Variants in KIF20B observed in about 807,000 individuals in gnomAD.
The protein encoded by KIF20B is kinesin-like protein KIF20B.
In KIF20B, 188 loss-of-function variants were observed where a neutral mutation model predicts 232.5. The ratio of observed to expected loss-of-function variants is 0.81; its 90% CI spans 0.72 to 0.91. The LOEUF is 0.91. Among genes scored for constraint, KIF20B ranks in the 40% least tolerant of loss-of-function variants. The pLI, the probability that KIF20B is intolerant of heterozygous loss-of-function variation, is 0.00. For synonymous variants in KIF20B, 712 were observed against 683.0 expected (o/e 1.04, Z -0.66); for missense variants, 2,154 against 2,055.9 (o/e 1.05, Z -0.92).
At chr10:89,702,755 C>CTT (rs11287823) in intron 1 of KIF20B, among the ~76,000 whole-genome samples, 1 of 141,754 alleles carries the variant, frequency 7.1e-6, no homozygotes, top group Non-Finnish European at 1.6e-5. Context: ...CTAGGACCGA[C>CTT]TTTTTTTTTT....
chr10:89,719,145 T>A (rs1016113870), intron 12 of KIF20B, among the ~76,000 whole-genome samples: 4 of 152,182 alleles, frequency 2.6e-5, no homozygotes, highest in African/African-American at 4.8e-5. Context: ...TCTTGTTCAT[T>A]TGGTACTTCT....
intron 32 of KIF20B, 67 bp downstream of exon 32, chr10:89,772,898 T>A: frequency 7.3e-7 from 1 of 1,373,412 alleles, no homozygotes. Context: ...TTTACAGTGG[T>A]TTGAATTTCA....
intron 2 of KIF20B, among the ~76,000 whole-genome samples, chr10:89,707,073 C>T (rs1306996519): frequency 6.6e-6 from 1 of 152,092 alleles, no homozygotes; most frequent in Non-Finnish European, 1.5e-5. Context: ...AATGTCTTAG[C>T]AGTATTTTAT....
In KIF20B at chr10:89,727,906, T is replaced by A. The variant is rs1843224834; in HGVS notation, c.2271+10T>A. The A allele has an allele frequency of 6.5e-7, 1 of 1,547,332 alleles. No homozygotes were observed. The highest frequency in any genetic ancestry group is 1.4e-5 in the African/African-American group (1 of 73,006). On this transcript the variant is annotated intron_variant, in intron 17 of 32. Coordinates refer to ENST00000371728, the MANE Select transcript of KIF20B (RefSeq NM_001284259.2). ...TGAGACATCTAATAAGGTAATGCTT[T>A]AAGTTTTATTTTGTCTTGATAAGGT...
At chr10:89,770,437 T>C (rs1842440211) in intron 31 of KIF20B, among the ~76,000 whole-genome samples, 1 of 152,000 alleles carries the variant, frequency 6.6e-6, no homozygotes. Flanking sequence ...AGGGACATCT[T>C]TCTTTAGAGT....
chr10:89,722,030 G>T (rs1843070257), intron 13 of KIF20B, among the ~76,000 whole-genome samples: 1 of 152,030 alleles, frequency 6.6e-6, no homozygotes, highest in South Asian at 2.1e-4. Flanking sequence ...TCTTGCCTCA[G>T]TCTCCTGAGT....
rs184027349 is a variant in KIF20B, at chr10:89,738,940, G to A, written c.3777-18G>A. On this transcript the variant is annotated intron_variant, in intron 20 of 32. Coordinates refer to ENST00000371728, the MANE Select transcript of KIF20B (RefSeq NM_001284259.2). ...GTTAATGATGCATTACCATAGAAAA[G>A]TGGTTTATGTTTTTTAGATTGAAAG... The A allele has an allele frequency of 4.8e-4, 768 of 1,605,098 alleles. 1 individual carries two copies. In the African/African-American group the frequency reaches 8.8e-3, roughly 18 times the overall value.
At position 89,755,330 on chromosome 10, in the gene KIF20B, A is replaced by T. The variant is rs76099599; in HGVS notation, c.4503+657A>T. ...TTTTTTTATGACTGCATTTGACTAA[A>T]AACAGTTAAACTTTCCTATAAAAAC... is the stretch of plus-strand genomic sequence containing the variant. On this transcript the variant is annotated intron_variant, in intron 26 of 32. Transcript: ENST00000371728. Among the ~76,000 whole-genome samples the T allele has an allele frequency of 3.8e-3, 580 of 152,198 alleles. 5 individuals are homozygous for T. Among genetic ancestry groups the T allele is most frequent in the African/African-American group, 0.013 (550 of 41,520 alleles).
At chr10:89,704,702 C>T (rs967414765) in intron 1 of KIF20B, among the ~76,000 whole-genome samples, 6 of 151,990 alleles carry the variant, frequency 3.9e-5, no homozygotes, top group African/African-American at 9.7e-5. Context: ...ATTACAGGTG[C>T]CTGGCACCAC....
Position 89,732,087 on chromosome 10 carries a change from C to T in KIF20B, c.2392-816C>T, listed in dbSNP as rs377713543. On this transcript the variant is annotated intron_variant, in intron 18 of 32. Coordinates refer to ENST00000371728, the MANE Select transcript of KIF20B (RefSeq NM_001284259.2). ...ACCCTTCTTCTAAATCCATATTATA[C>T]CCTTTTTTTGGAAGTTCCCCCCCTC... Among the ~76,000 whole-genome samples, 9 of 151,772 alleles carry T rather than the reference C, an allele frequency of 5.9e-5. No individual in the cohort carries two copies. The East Asian group carries it at 1.5e-3, about 26-fold the overall frequency.
At chr10:89,752,075 T>G (rs1156509373) in intron 24 of KIF20B, among the ~76,000 whole-genome samples, 1 of 152,066 alleles carries the variant, frequency 6.6e-6, no homozygotes, top group Non-Finnish European at 1.5e-5. Context: ...ATTCTTTTTT[T>G]AAAATCATCT....
At chr10:89,711,194 A>G (rs781412258) in intron 6 of KIF20B, 49 bp downstream of exon 6, 1 of 1,188,252 alleles carries the variant, frequency 8.4e-7, no homozygotes, top group Admixed American at 2.5e-5. Context: ...CTGACTTCTT[A>G]TAAACCCTTT....
intron 29 of KIF20B, among the ~76,000 whole-genome samples, chr10:89,765,111 A>C (rs1281028932): frequency 2.0e-5 from 3 of 151,900 alleles, no homozygotes; most frequent in South Asian, 2.1e-4. Flanking sequence ...AGCTTTCTAC[A>C]TATGGCTAGC....
intron 18 of KIF20B, 134 bp from the exon 19 acceptor site, chr10:89,732,766 TAAG>T (rs1450926162): frequency 7.0e-6 from 5 of 711,404 alleles, no homozygotes; most frequent in Non-Finnish European, 1.0e-5. Flanking sequence ...GGACGAAACT[TAAG>T]AAATAACTTA....
chr10:89,765,568 G>A (rs367900504), intron 29 of KIF20B, among the ~76,000 whole-genome samples: 4 of 152,052 alleles, frequency 2.6e-5, no homozygotes, highest in East Asian at 3.9e-4. Context: ...AAAAGAGCCC[G>A]CATCGCCAAG....
chr10:89,738,750 T>A, intron 20 of KIF20B, 133 bp downstream of exon 20: 1 of 1,240,234 alleles, frequency 8.1e-7, no homozygotes, highest in Non-Finnish European at 1.1e-6. Flanking sequence ...AACTTGAACT[T>A]TGTCCATATA....
chr10:89,702,009 T>C (rs1176155170), intron 1 of KIF20B, among the ~76,000 whole-genome samples: 1 of 152,246 alleles, frequency 6.6e-6, no homozygotes, highest in Non-Finnish European at 1.5e-5. Flanking sequence ...TTCTTTCGGC[T>C]TTTGTGAAGA....
chr10:89,702,142 C>T (rs934469052), intron 1 of KIF20B, among the ~76,000 whole-genome samples: 1 of 152,176 alleles, frequency 6.6e-6, no homozygotes, highest in Non-Finnish European at 1.5e-5. Context: ...TTTTGCCACA[C>T]CTAGTTTTCT....
intron 18 of KIF20B, among the ~76,000 whole-genome samples, chr10:89,732,312 G>A (rs1217332932): frequency 3.3e-5 from 5 of 151,996 alleles, no homozygotes; most frequent in Non-Finnish European, 5.9e-5. Flanking sequence ...TTGTAGAGAC[G>A]GGTTCTCACT....
Sources: gnomAD v4.1 joint callset for allele counts (sites outside exome capture counted in the v4.1 genomes callset) on GRCh38, gnomAD v4.1.1 for gene constraint, MANE v1.5 for transcripts, NCBI Gene and HGNC (gene_info 2026-07-23, HGNC 2026-07-21) for gene names.